Variants in GALNTL6 observed in about 807,000 individuals in gnomAD.
The protein encoded by GALNTL6 is polypeptide N-acetylgalactosaminyltransferase-like 6.
In GALNTL6, 46 loss-of-function variants were observed where a neutral mutation model predicts 73.7. The observed-to-expected ratio is 0.62, with a 90% CI of 0.49 to 0.80. The LOEUF is 0.80. Among genes scored for constraint, GALNTL6 ranks in the 30% least tolerant of loss-of-function variants. The pLI is 0.00. For missense variants in GALNTL6, 604 were observed against 755.0 expected (o/e 0.80, Z 2.34); for synonymous variants, 259 against 263.7 (o/e 0.98, Z 0.17).
At position 172,065,720 on chromosome 4, in the gene GALNTL6, T is replaced by A. The variant is rs554477390; in HGVS notation, c.139-163936T>A. On this transcript the variant is annotated intron_variant, in intron 2 of 12. Coordinates refer to ENST00000506823, the MANE Select transcript of GALNTL6 (RefSeq NM_001034845.3). ...GAAGAAATACCAGACATTGGCTAAT[T>A]TATAAAGAAAAACGGTTTAATTGAT... Among the ~76,000 whole-genome samples, 13 of 152,206 alleles carry A rather than the reference T, an allele frequency of 8.5e-5. 1 individual carries two copies. The South Asian group carries it at 2.7e-3, about 32-fold the overall frequency.
intron 10 of GALNTL6, among the ~76,000 whole-genome samples, chr4:172,976,885 C>T (rs1750836602): frequency 6.6e-6 from 1 of 152,216 alleles, no homozygotes; most frequent in African/African-American, 2.4e-5. Context: ...CTGAGATCAA[C>T]ACCAAAATAT....
chr4:172,376,828 G>C (rs750686570), intron 5 of GALNTL6, among the ~76,000 whole-genome samples: 1 of 152,216 alleles, frequency 6.6e-6, no homozygotes, highest in East Asian at 1.9e-4. Flanking sequence ...GCAGACCCTC[G>C]TGATAAGTAT....
intron 9 of GALNTL6, among the ~76,000 whole-genome samples, chr4:172,948,460 G>A (rs1012724571): frequency 6.6e-6 from 1 of 151,290 alleles, no homozygotes; most frequent in South Asian, 2.1e-4. Context: ...TTGCTGTTTT[G>A]TTTTTCTTTG....
chr4:171,985,186 G>T lies in GALNTL6; in HGVS notation c.138+170468G>T, dbSNP rs1740029714. On this transcript the variant is annotated intron_variant, in intron 2 of 12. Coordinates refer to ENST00000506823, the MANE Select transcript of GALNTL6 (RefSeq NM_001034845.3). ...ACACCACTGATAAAGATATGCCTGA[G>T]ACTGGGTATTTTATAAAGAAAAAAA... Among the ~76,000 whole-genome samples the T allele has an allele frequency of 2.0e-5, 3 of 151,952 alleles. No individual in the cohort carries two copies. The South Asian group carries it at 6.2e-4, about 31-fold the overall frequency.
intron 2 of GALNTL6, among the ~76,000 whole-genome samples, chr4:172,184,248 A>T (rs945920400): frequency 6.6e-6 from 1 of 152,034 alleles, no homozygotes; most frequent in African/African-American, 2.4e-5. Context: ...AGGAGTGGGT[A>T]TTTCCTAAGT....
Position 171,814,416 on chromosome 4 carries a change from C to A in GALNTL6, c.-165C>A. ...AACTGTGCGTTTGTTCTGCAGATGG[C>A]CAACTCCCTCTGAATCCTGCAGATT... On this transcript the variant is annotated 5_prime_UTR_variant, in exon 2 of 13. Coordinates refer to ENST00000506823, the MANE Select transcript of GALNTL6 (RefSeq NM_001034845.3). 1 of 658,776 alleles carries A rather than the reference C, an allele frequency of 1.5e-6. No homozygotes were observed. Among genetic ancestry groups the A allele is most frequent in the Non-Finnish European group, 2.6e-6 (1 of 386,580 alleles). 40.8% of individuals were successfully genotyped at this position (658,776 alleles called of 1,614,324 possible).
chr4:172,130,046 C>G (rs1230332285), intron 2 of GALNTL6, among the ~76,000 whole-genome samples: 2 of 152,058 alleles, frequency 1.3e-5, no homozygotes, highest in African/African-American at 4.8e-5. Flanking sequence ...AGTAAGGGAA[C>G]ACAGAGGATT....
chr4:172,722,748 T>C (rs1161996329), intron 5 of GALNTL6, among the ~76,000 whole-genome samples: 1 of 152,240 alleles, frequency 6.6e-6, no homozygotes, highest in Non-Finnish European at 1.5e-5. Context: ...AACAAATCTT[T>C]TGAATAAATA....
chr4:172,489,610 T>A (rs1194526379), intron 5 of GALNTL6, among the ~76,000 whole-genome samples: 1 of 152,226 alleles, frequency 6.6e-6, no homozygotes, highest in Non-Finnish European at 1.5e-5. Context: ...TGTTAATTTG[T>A]ATGTTTTCTT....
chr4:172,720,694 G>A (rs371490375), intron 5 of GALNTL6, among the ~76,000 whole-genome samples: 2 of 152,294 alleles, frequency 1.3e-5, no homozygotes, highest in South Asian at 2.1e-4. Context: ...ACTAATTAGG[G>A]ATGTAGACAG....
At chr4:172,475,080 A>G (rs1404310237) in intron 5 of GALNTL6, among the ~76,000 whole-genome samples, 1 of 152,200 alleles carries the variant, frequency 6.6e-6, no homozygotes, top group Non-Finnish European at 1.5e-5. Context: ...GAGTTGGTGA[A>G]GGGCAATAAA....
At chr4:172,837,437 A>G (rs1742967051) in intron 7 of GALNTL6, among the ~76,000 whole-genome samples, 1 of 152,200 alleles carries the variant, frequency 6.6e-6, no homozygotes, top group Admixed American at 6.5e-5. Context: ...TGAAAAAAAA[A>G]TATGAAAGAA....
chr4:171,826,015 G>T (rs898904561), intron 2 of GALNTL6, among the ~76,000 whole-genome samples: 1 of 152,130 alleles, frequency 6.6e-6, no homozygotes, highest in Non-Finnish European at 1.5e-5. Context: ...ATATAGCTTA[G>T]TTGTGTCACC....
rs1246885061 is a variant in GALNTL6 at position 173,021,615 on chromosome 4, G to A, written c.1628G>A (p.Gly543Glu). 1 of 1,614,064 alleles carries A rather than the reference G, an allele frequency of 6.2e-7. No homozygotes were observed. The highest frequency in any genetic ancestry group is 1.1e-5 in the South Asian group (1 of 91,062). The part of the protein sequence containing the change: ...CHGMKGNQLW[G>E]YRKDRTLFHP... ...GGCATGAAGGGGAACCAGCTCTGGGGATACCGGAAGGTAAGAGTCAGTCCA... is the reference window on the plus strand; with the variant it reads ...GGCATGAAGGGGAACCAGCTCTGGGAATACCGGAAGGTAAGAGTCAGTCCA... The change falls in exon 12 of 13, where the codon GGA (glycine) becomes GAA (glutamate). Residue 543 changes from glycine (G) to glutamate (E), a missense_variant. Physicochemically the swap from Gly to Glu is moderately conservative, Grantham distance 98. Coordinates refer to ENST00000506823, the MANE Select transcript of GALNTL6 (RefSeq NM_001034845.3).
In GALNTL6 at chr4:172,722,320, T is replaced by G. The variant is rs1387194258; in HGVS notation, c.554-87041T>G. 3.9e-5 allele frequency among the ~76,000 whole-genome samples: 6 copies of G among 152,210 alleles called. No individual in the cohort carries two copies. The East Asian group carries it at 1.2e-3, about 29-fold the overall frequency. The stretch of plus-strand genomic sequence containing the variant: ...CAATCTGAAATAAATAAATATGACA[T>G]GTACATATGACAAATACATGGTGAT... On this transcript the variant is annotated intron_variant, in intron 5 of 12. Transcript: ENST00000506823.
chr4:172,848,267 C>G (rs1192902600), intron 7 of GALNTL6, among the ~76,000 whole-genome samples: 1 of 152,062 alleles, frequency 6.6e-6, no homozygotes, highest in African/African-American at 2.4e-5. Context: ...TGTCACCTCC[C>G]TAGGGTAGAC....
At chr4:172,064,529 T>C (rs1731301607) in intron 2 of GALNTL6, among the ~76,000 whole-genome samples, 1 of 152,170 alleles carries the variant, frequency 6.6e-6, no homozygotes, top group South Asian at 2.1e-4. Flanking sequence ...GCTTTGAATA[T>C]ATATTTAAAT....
intron 5 of GALNTL6, among the ~76,000 whole-genome samples, chr4:172,565,337 T>C (rs1420871700): frequency 6.6e-6 from 1 of 152,204 alleles, no homozygotes; most frequent in African/African-American, 2.4e-5. Context: ...CAAATGCTTT[T>C]CTGTATTATT....
chr4:172,225,186 G>A (rs879616421), intron 2 of GALNTL6, among the ~76,000 whole-genome samples: 5 of 151,912 alleles, frequency 3.3e-5, no homozygotes, highest in Admixed American at 6.6e-5. Context: ...CAAAAGAGAC[G>A]CAAATGGGTC....
Sources: gnomAD v4.1 joint callset for allele counts (sites outside exome capture counted in the v4.1 genomes callset) on GRCh38, gnomAD v4.1.1 for gene constraint, MANE v1.5 for transcripts, NCBI Gene and HGNC (gene_info 2026-07-23, HGNC 2026-07-21) for gene names.